Variants in CMIP observed in about 807,000 individuals in gnomAD.
The protein encoded by CMIP is c-Maf inducing protein.
Under a neutral mutation model 97.3 loss-of-function variants are expected in CMIP, and 13 were observed. That is an observed-to-expected ratio of 0.13 (90% CI 0.09 to 0.21). The LOEUF (loss-of-function observed/expected upper bound fraction) is 0.21. Ranked by LOEUF, CMIP falls within the 10% of genes least tolerant of loss-of-function variation. The pLI is 1.00. For missense variants in CMIP, 847 were observed against 1,024.9 expected (o/e 0.83, Z 2.37); for synonymous variants, 538 against 436.3 (o/e 1.23, Z -2.91).
intron 1 of CMIP, among the ~76,000 whole-genome samples, chr16:81,538,340 A>G (rs1028200388): frequency 6.6e-6 from 1 of 152,216 alleles, no homozygotes. Flanking sequence ...GCCCAGTTGC[A>G]TAAACACTGA....
At chr16:81,452,885 G>GTTTTTTTTTTTTTT (rs558606255) in intron 1 of CMIP, among the ~76,000 whole-genome samples, 2 of 129,242 alleles carry the variant, frequency 1.5e-5, no homozygotes, top group African/African-American at 2.9e-5. Flanking sequence ...TTTTTGTTTT[G>GTTTTTTTTTTTTTT]TTTTTTTTTT....
intron 1 of CMIP, among the ~76,000 whole-genome samples, chr16:81,508,403 T>C (rs1327720517): frequency 6.6e-6 from 1 of 152,246 alleles, no homozygotes; most frequent in African/African-American, 2.4e-5. Context: ...TGTAATATTT[T>C]CTCACTAAAC....
At chr16:81,517,456 C>T (rs899791892) in intron 1 of CMIP, among the ~76,000 whole-genome samples, 1 of 152,190 alleles carries the variant, frequency 6.6e-6, no homozygotes, top group African/African-American at 2.4e-5. Context: ...AAATGCATAA[C>T]ACAAAGGTAT....
intron 3 of CMIP, among the ~76,000 whole-genome samples, chr16:81,643,411 C>A (rs1409961200): frequency 6.6e-6 from 1 of 152,188 alleles, no homozygotes; most frequent in African/African-American, 2.4e-5. Flanking sequence ...AAAAGGGTTT[C>A]CTTGGAAGTG....
rs1310830846 is a variant in CMIP, at chr16:81,667,537, C to CA, written c.826-2600dup. On this transcript the variant is annotated intron_variant, in intron 7 of 20. Coordinates refer to ENST00000537098, the MANE Select transcript of CMIP (RefSeq NM_198390.3). ...TTCCATGGAAATGACCTTGATTATT[C>CA]AAAAATCTAATAGCTAAGATGACAG... 2.6e-5 allele frequency among the ~76,000 whole-genome samples: 4 copies of CA among 152,154 alleles called. No individual in the cohort carries two copies. The East Asian group carries it at 7.7e-4, about 29-fold the overall frequency.
chr16:81,455,755 T>C (rs1045205376), intron 1 of CMIP, among the ~76,000 whole-genome samples: 4 of 152,116 alleles, frequency 2.6e-5, no homozygotes, highest in African/African-American at 9.7e-5. Flanking sequence ...CCTGGTGGGC[T>C]TTCCACTAGA....
At chr16:81,551,010 G>C (rs1247144696) in intron 1 of CMIP, among the ~76,000 whole-genome samples, 14 of 72,444 alleles carry the variant, frequency 1.9e-4, no homozygotes, top group African/African-American at 8.2e-4. Context: ...CCCGTCACAC[G>C]CACCCCAGTT....
At chr16:81,485,915 C>A (rs2089306992) in intron 1 of CMIP, among the ~76,000 whole-genome samples, 1 of 152,146 alleles carries the variant, frequency 6.6e-6, no homozygotes, top group Non-Finnish European at 1.5e-5. Flanking sequence ...CCCAGCTCTC[C>A]CCTGGATTCT....
At chr16:81,647,164 C>T (rs2092372973) in intron 3 of CMIP, among the ~76,000 whole-genome samples, 2 of 152,158 alleles carry the variant, frequency 1.3e-5, no homozygotes, top group Non-Finnish European at 2.9e-5. Flanking sequence ...AGGACGAAGT[C>T]GTATCTCTTT....
intron 1 of CMIP, among the ~76,000 whole-genome samples, chr16:81,541,378 G>A (rs950714882): frequency 3.3e-5 from 5 of 152,182 alleles, no homozygotes; most frequent in African/African-American, 1.2e-4. Flanking sequence ...TGTGCACGGT[G>A]GAGCCGTGTA....
chr16:81,670,382 A>G lies in CMIP; in HGVS notation c.929+137A>G, dbSNP rs936011977. ...TATGAGGAAGCCCCTAGCCTACTGC[A>G]CGGTGCCCGATAGGAACTCGGACAC... On this transcript the variant is annotated intron_variant, in intron 8 of 20. Transcript: ENST00000537098. 19 of 882,348 alleles carry G rather than the reference A, an allele frequency of 2.2e-5. No individual in the cohort carries two copies. The African/African-American group carries it at 3.0e-4, about 14-fold the overall frequency. The allele number at this position is 882,348 out of a possible 1,614,324, so 54.7% of individuals were successfully genotyped here.
intron 1 of CMIP, among the ~76,000 whole-genome samples, chr16:81,448,527 C>T (rs559616755): frequency 9.2e-5 from 14 of 152,212 alleles, no homozygotes; most frequent in African/African-American, 1.4e-4. Flanking sequence ...GCTGTCTTAC[C>T]GGTGGAGCCA....
At chr16:81,568,480 G>C (rs2091024442) in intron 1 of CMIP, among the ~76,000 whole-genome samples, 1 of 152,210 alleles carries the variant, frequency 6.6e-6, no homozygotes. Context: ...AGGGCACCGT[G>C]CCTCGGGAGT....
chr16:81,450,163 C>T (rs1239693779), intron 1 of CMIP, among the ~76,000 whole-genome samples: 1 of 152,152 alleles, frequency 6.6e-6, no homozygotes, highest in Non-Finnish European at 1.5e-5. Flanking sequence ...TCCCAGGGTA[C>T]CTCAACTGCT....
chr16:81,678,619 T>A lies in CMIP; in HGVS notation c.1379T>A (p.Leu460His). 6.4e-7 allele frequency: 1 copy of A among 1,555,286 alleles called. No individual in the cohort carries two copies. The highest frequency in any genetic ancestry group is 8.8e-7 in the Non-Finnish European group (1 of 1,135,580). ...DRTLGCYVEILKLLSDYDDWR... is the reference protein window; with the variant it reads ...DRTLGCYVEIHKLLSDYDDWR... ...ACGCTCGGCTGCTACGTGGAAATCC[T>A]CAAGCTGCTGTGAGTGCCCCCCCCG... The change falls in exon 10 of 21, where the codon CTC becomes CAC. Residue 460 changes from leucine to histidine, a missense_variant. Around this residue, in one of 4 missense-constraint regions of CMIP, gnomAD observed 202 missense variants for 168.7 expected, o/e 1.20. Coordinates refer to ENST00000537098, the MANE Select transcript of CMIP (RefSeq NM_198390.3).
chr16:81,484,212 C>T (rs1403429709), intron 1 of CMIP, among the ~76,000 whole-genome samples: 1 of 152,186 alleles, frequency 6.6e-6, no homozygotes, highest in Non-Finnish European at 1.5e-5. Flanking sequence ...GCGGACCTCG[C>T]CCGTTCCCAT....
intron 1 of CMIP, among the ~76,000 whole-genome samples, chr16:81,474,704 G>T (rs1907779748): frequency 6.6e-6 from 1 of 152,232 alleles, no homozygotes; most frequent in South Asian, 2.1e-4. Flanking sequence ...CCTCAGTGTT[G>T]GCCGTGCTCA....
chr16:81,554,055 C>G (rs561578177), intron 1 of CMIP, among the ~76,000 whole-genome samples: 1 of 152,192 alleles, frequency 6.6e-6, no homozygotes, highest in African/African-American at 2.4e-5. Context: ...GGACTTGGCC[C>G]TCTGTACTTT....
intron 7 of CMIP, chr16:81,666,705 C>G (rs995973831): frequency 6.6e-6 from 1 of 152,146 alleles, no homozygotes; most frequent in Non-Finnish European, 1.5e-5. Flanking sequence ...CTTGGCGCCT[C>G]CTAATTACAC....
Sources: allele counts gnomAD v4.1 joint callset (sites outside exome capture counted in the v4.1 genomes callset), GRCh38; gene constraint gnomAD v4.1.1; regional missense constraint gnomAD v4.1.1; transcripts MANE v1.5; gene names NCBI Gene and HGNC (gene_info 2026-07-23, HGNC 2026-07-21).